The following ARF4 variants were observed in gnomAD, a reference collection of about 807,000 sequenced individuals.
The protein encoded by ARF4 is ARF GTPase 4.
Under a neutral mutation model 24.3 loss-of-function variants are expected in ARF4, and 5 were observed. The observed-to-expected ratio is 0.21, with a 90% CI of 0.11 to 0.43. The LOEUF (loss-of-function observed/expected upper bound fraction) is 0.43, where lower values mean the gene tolerates loss of function less well. Among genes scored for constraint, ARF4 ranks in the 20% least tolerant of loss-of-function variants. The pLI, the probability that ARF4 is intolerant of heterozygous loss-of-function variation, is 1.00. For synonymous variants in ARF4, 62 were observed against 73.5 expected (o/e 0.84, Z 0.80); for missense variants, 107 against 213.0 (o/e 0.50, Z 3.10).
intron 3 of ARF4, among the ~76,000 whole-genome samples, chr3:57,582,530 C>T (rs1311545184): frequency 1.3e-5 from 2 of 152,024 alleles, no homozygotes; most frequent in African/African-American, 2.4e-5. Flanking sequence ...CATGAGCCAC[C>T]GTGCCTGGCC....
intron 4 of ARF4, among the ~76,000 whole-genome samples, chr3:57,576,043 TTAGA>T (rs1338988367): frequency 2.0e-5 from 3 of 152,196 alleles, no homozygotes; most frequent in East Asian, 1.9e-4. Context: ...GCAGAAGTAC[TTAGA>T]TAGATGATGA....
chr3:57,582,727 G>C (rs2069990142), intron 3 of ARF4, among the ~76,000 whole-genome samples: 2 of 148,296 alleles, frequency 1.3e-5, no homozygotes. Context: ...AATATAAAGT[G>C]GCAGTGATAT....
At chr3:57,587,136 T>C (rs1313397929) in intron 1 of ARF4, among the ~76,000 whole-genome samples, 1 of 151,816 alleles carries the variant, frequency 6.6e-6, no homozygotes, top group African/African-American at 2.4e-5. Context: ...CTGGCCAACA[T>C]GGTAAAATCC....
intron 5 of ARF4, 44 bp downstream of exon 5, chr3:57,575,504 A>T: frequency 6.4e-7 from 1 of 1,552,910 alleles, no homozygotes. Context: ...TATCCTAGTA[A>T]GTCTTAATAG....
intron 3 of ARF4, among the ~76,000 whole-genome samples, chr3:57,579,892 A>G (rs1299535619): frequency 1.3e-5 from 2 of 152,136 alleles, no homozygotes; most frequent in African/African-American, 4.8e-5. Context: ...ACATGAAGTC[A>G]GGAGTTCAAG....
Position 57,597,181 on chromosome 3 carries a change from T to C in ARF4, c.-41A>G, listed in dbSNP as rs750788612. ...TGTGATGGGCAGAAGCAGAAGGGGT[T>C]TGGGGCGACCCCGTGCTTTCTCCTT... On this transcript the variant is annotated 5_prime_UTR_variant, in exon 1 of 6. Transcript: ENST00000303436. 1.3e-6 allele frequency: 2 copies of C among 1,576,436 alleles called. No individual in the cohort carries two copies. The highest frequency in any genetic ancestry group is 1.3e-5 in the African/African-American group (1 of 74,198).
At chr3:57,588,525 T>C (rs1285405962) in intron 1 of ARF4, among the ~76,000 whole-genome samples, 1 of 150,826 alleles carries the variant, frequency 6.6e-6, no homozygotes, top group Admixed American at 6.6e-5. Context: ...CTGGACAACA[T>C]GGCAAAACCC....
intron 1 of ARF4, chr3:57,596,737 G>A (rs1216977891): frequency 1.0e-5 from 3 of 288,156 alleles, no homozygotes; most frequent in Non-Finnish European, 2.0e-5. Flanking sequence ...CGCACCCCCA[G>A]AAAGGGCCTC....
intron 4 of ARF4, among the ~76,000 whole-genome samples, chr3:57,576,111 C>A (rs982150079): frequency 6.6e-6 from 1 of 152,086 alleles, no homozygotes; most frequent in African/African-American, 2.4e-5. Context: ...ACACAATTAT[C>A]TGGGTGTTGG....
intron 1 of ARF4, among the ~76,000 whole-genome samples, chr3:57,586,498 A>C (rs1400686701): frequency 6.6e-6 from 1 of 152,168 alleles, no homozygotes; most frequent in African/African-American, 2.4e-5. Context: ...CCCTACCAAG[A>C]ATAACTTTAA....
chr3:57,573,868 C>T (rs2069869628), intron 5 of ARF4, among the ~76,000 whole-genome samples: 2 of 152,176 alleles, frequency 1.3e-5, no homozygotes, highest in Admixed American at 1.3e-4. Context: ...AGGTGTGAGC[C>T]ACCACACCCG....
At chr3:57,589,986 G>A (rs2070088765) in intron 1 of ARF4, among the ~76,000 whole-genome samples, 1 of 150,720 alleles carries the variant, frequency 6.6e-6, no homozygotes. Flanking sequence ...AGCTACTCGG[G>A]AGGCTGAGGC....
intron 5 of ARF4, among the ~76,000 whole-genome samples, chr3:57,573,741 C>T (rs2069868103): frequency 6.6e-6 from 1 of 151,952 alleles, no homozygotes; most frequent in African/African-American, 2.4e-5. Context: ...ACCACCACGA[C>T]CAGCTAATTT....
rs577578818 is a variant in ARF4, at chr3:57,596,329, C to A, written c.67+745G>T. ...AAAATTCGTTTCTAAAATTTTTTTG[C>A]ATTAGACCTTAGACCGCCTAAAAAT... On this transcript the variant is annotated intron_variant, in intron 1 of 5. Transcript: ENST00000303436. 2.0e-5 allele frequency among the ~76,000 whole-genome samples: 3 copies of A among 152,222 alleles called. No homozygotes were observed. In the East Asian group the frequency reaches 5.8e-4, roughly 29 times the overall value.
At chr3:57,585,919 CTCAA>C (rs2070031441) in intron 1 of ARF4, among the ~76,000 whole-genome samples, 1 of 152,102 alleles carries the variant, frequency 6.6e-6, no homozygotes, top group Non-Finnish European at 1.5e-5. Context: ...GCCTCAGCCT[CTCAA>C]AGTGCTGTGA....
chr3:57,586,494 C>G (rs1245520154), intron 1 of ARF4, among the ~76,000 whole-genome samples: 1 of 152,172 alleles, frequency 6.6e-6, no homozygotes, highest in Non-Finnish European at 1.5e-5. Flanking sequence ...TGTACCCTAC[C>G]AAGAATAACT....
intron 5 of ARF4, among the ~76,000 whole-genome samples, chr3:57,573,699 A>G (rs1021009524): frequency 1.3e-5 from 2 of 150,836 alleles, no homozygotes; most frequent in Admixed American, 1.3e-4. Flanking sequence ...TCGTGCCTTC[A>G]GCCTCCCAAG....
Position 57,597,341 on chromosome 3 carries a change from G to A in ARF4, c.-201C>T, listed in dbSNP as rs558370821. 267 of 508,962 alleles carry A rather than the reference G, an allele frequency of 5.2e-4. No homozygotes were observed. Among genetic ancestry groups the A allele is most frequent in the Admixed American group, 8.7e-4 (25 of 28,640 alleles). The allele number at this position is 508,962 out of a possible 1,614,324, so 31.5% of individuals were successfully genotyped here. A position where few individuals can be genotyped will look rare whatever the true frequency, so the allele number is the denominator to read the frequency against. ...TAAGCCGGTAGAGGACCTGCTAGGC[G>A]ACTGGCGCGGCAGCTCCGGCTCTAG... is the stretch of plus-strand genomic sequence containing the variant. On this transcript the variant is annotated 5_prime_UTR_variant, in exon 1 of 6. Transcript: ENST00000303436.
Position 57,584,094 on chromosome 3 carries a change from T to C in ARF4, c.149-87A>G, listed in dbSNP as rs1201433449. The C allele has an allele frequency of 4.4e-6, 4 of 909,342 alleles. No individual in the cohort carries two copies. The African/African-American group carries it at 6.8e-5, about 16-fold the overall frequency. The allele number at this position is 909,342 out of a possible 1,614,324, so 56.3% of individuals were successfully genotyped here. A position where few individuals can be genotyped will look rare whatever the true frequency, so the allele number is the denominator to read the frequency against. On this transcript the variant is annotated intron_variant, in intron 2 of 5. Coordinates refer to ENST00000303436, the MANE Select transcript of ARF4 (RefSeq NM_001660.4). ...GTGGAATTTTCTTAGAATAGTGTTT[T>C]TAAAGTACTTCTTTTTATTTTTAAA... is the stretch of plus-strand genomic sequence containing the variant.
Sources: allele counts gnomAD v4.1 joint callset (sites outside exome capture counted in the v4.1 genomes callset), GRCh38; gene constraint gnomAD v4.1.1; transcripts MANE v1.5; gene names NCBI Gene and HGNC (gene_info 2026-07-23, HGNC 2026-07-21).